The following DDX3X variants were observed in gnomAD, a reference collection of about 807,000 sequenced individuals.
The protein encoded by DDX3X is DEAD-box helicase 3 X-linked.
In DDX3X, 4 loss-of-function variants were observed where a neutral mutation model predicts 52.7. That is an observed-to-expected ratio of 0.08 (90% CI 0.04 to 0.17). The LOEUF (loss-of-function observed/expected upper bound fraction) is 0.17. DDX3X is among the 10% of genes least tolerant of loss of function. The pLI is 1.00. For missense variants in DDX3X, 222 were observed against 548.6 expected, an observed-to-expected ratio of 0.40 and a Z score of 5.95; for synonymous variants, 192 against 178.1, an observed-to-expected ratio of 1.08 and a Z score of -0.62.
rs756553855 is a variant in DDX3X at position 41,347,630 on chromosome X, C to T, written c.1910-10C>T. 2 of 1,171,132 alleles carry T rather than the reference C, an allele frequency of 1.7e-6. No individual in the cohort carries two copies. Among genetic ancestry groups the T allele is most frequent in the East Asian group, 3.0e-5 (1 of 33,663 alleles). ...CATTAATTTCTCTCTCTTTTTAAATCTCTCATTAGGTGGCTATGGAGGCTT... is the reference window on the plus strand; with the variant it reads ...CATTAATTTCTCTCTCTTTTTAAATTTCTCATTAGGTGGCTATGGAGGCTT... On this transcript the variant is annotated splice_polypyrimidine_tract_variant and intron_variant, in intron 16 of 16. Coordinates refer to ENST00000644876, the MANE Select transcript of DDX3X (RefSeq NM_001356.5).
chrX:41,357,990 G>A, intron 5 of DDX3X: 1 of 279,777 alleles, frequency 3.6e-6, no homozygotes, highest in East Asian at 5.0e-5. Flanking sequence ...AACTCATGCA[G>A]GCATGAGTCT....
downstream of DDX3X, chrX:41,351,314 T>A (rs763059206): frequency 2.7e-4 from 30 of 112,233 alleles, no homozygotes; most frequent in Non-Finnish European, 5.3e-4. Context: ...CATACTACAT[T>A]AATGTGGTTT....
chrX:41,362,995 C>G (rs528743915), intron 5 of DDX3X, among the ~76,000 whole-genome samples: 5 of 112,559 alleles, frequency 4.4e-5, no homozygotes, highest in African/African-American at 1.6e-4. Flanking sequence ...AAAATGCTCT[C>G]TATTCATGGG....
intron 3 of DDX3X, 167 bp downstream of exon 3, chrX:41,339,250 C>A (rs979760876): frequency 8.5e-6 from 2 of 236,074 alleles, no homozygotes; most frequent in Non-Finnish European, 1.6e-5. Context: ...TGGAAGAACT[C>A]ATCTAATGTT....
intron 5 of DDX3X, among the ~76,000 whole-genome samples, chrX:41,357,380 A>G (rs2064013634): frequency 8.9e-6 from 1 of 111,903 alleles, no homozygotes; most frequent in South Asian, 3.7e-4. Context: ...TTCTATCTAC[A>G]AAAGAATCTT....
chrX:41,352,412 C>A (rs2063992577), downstream of DDX3X, among the ~76,000 whole-genome samples: 1 of 111,492 alleles, frequency 9.0e-6, no homozygotes, highest in Non-Finnish European at 1.9e-5. Context: ...ACTTCCTTTT[C>A]CACTCATTCT....
intron 5 of DDX3X, 26 bp downstream of exon 5, chrX:41,342,679 T>C (rs1258547327): frequency 8.3e-7 from 1 of 1,211,057 alleles, no homozygotes; most frequent in Non-Finnish European, 1.1e-6. Context: ...GTATGTTACT[T>C]GTGATGAAGC....
chrX:41,360,246 T>C (rs926111656), intron 5 of DDX3X, among the ~76,000 whole-genome samples: 3 of 94,903 alleles, frequency 3.2e-5, no homozygotes, highest in African/African-American at 7.7e-5. Context: ...GGCGTGGTGG[T>C]GCGTGCCTGT....
intron 14 of DDX3X, 94 bp downstream of exon 14, chrX:41,346,716 A>G: frequency 2.1e-6 from 2 of 939,829 alleles, no homozygotes; most frequent in Admixed American, 2.9e-5. Flanking sequence ...TTTAACAATG[A>G]AAGTGACAAA....
intron 4 of DDX3X, 172 bp downstream of exon 4, chrX:41,341,788 G>T: frequency 2.5e-6 from 1 of 408,154 alleles, no homozygotes; most frequent in Non-Finnish European, 4.2e-6. Flanking sequence ...GATGAAAATA[G>T]GAATATGCTC....
chrX:41,347,477 C>A, intron 16 of DDX3X, 26 bp downstream of exon 16: 2 of 1,198,293 alleles, frequency 1.7e-6, no homozygotes, highest in Non-Finnish European at 2.2e-6. Context: ...AACTTCATAG[C>A]TTTGGGAAGG....
intron 15 of DDX3X, 74 bp downstream of exon 15, chrX:41,347,086 A>ATT: frequency 1.9e-6 from 2 of 1,057,547 alleles, no homozygotes; most frequent in Non-Finnish European, 1.3e-6. Context: ...CTGCATGCAT[A>ATT]ACGTCCAAGG....
chrX:41,338,193 CTTATTTT>C (rs748785144), intron 2 of DDX3X: 9 of 110,294 alleles, frequency 8.2e-5, no homozygotes, highest in African/African-American at 3.0e-4. Flanking sequence ...GCAATAGACC[CTTATTTT>C]TAGCTCAGAT....
At chrX:41,344,423 T>C in intron 10 of DDX3X, 24 bp downstream of exon 10, 4 of 1,205,315 alleles carry the variant, frequency 3.3e-6, no homozygotes, top group Non-Finnish European at 4.5e-6. Flanking sequence ...TGTTTTTGTT[T>C]TTTTGTTTTG....
rs1032286188 is a variant in DDX3X at position 41,342,980 on chromosome X, C to T, written c.543+144C>T. 7.0e-6 allele frequency: 4 copies of T among 573,695 alleles called. No homozygotes were observed. The Admixed American group carries it at 1.2e-4, about 17-fold the overall frequency. 47.3% of individuals were successfully genotyped at this position (573,695 alleles called of 1,213,427 possible). On this transcript the variant is annotated intron_variant, in intron 6 of 16. Coordinates refer to ENST00000644876, the MANE Select transcript of DDX3X (RefSeq NM_001356.5). ...AAAGGAGAAGTTGAGTTCAGTGTCA[C>T]CATTATGAATAATTTATTACCTAAA...
Position 41,344,089 on chromosome X carries a change from G to A in DDX3X, c.825G>A (p.Thr275=), listed in dbSNP as rs2063889605. 3.3e-6 allele frequency: 4 copies of A among 1,206,808 alleles called. No homozygotes were observed. Among genetic ancestry groups the A allele is most frequent in the African/African-American group, 3.5e-5 (2 of 56,965 alleles). The part of the protein sequence containing the change: ...QYPISLVLAP[T]RELAVQIYEE... ...CAATCTCCTTGGTATTAGCACCAACGAGAGAGTTGGCAGTACAGATCTACG... is the reference window on the plus strand; with the variant it reads ...CAATCTCCTTGGTATTAGCACCAACAAGAGAGTTGGCAGTACAGATCTACG... The change falls in exon 9 of 17, where the codon ACG becomes ACA. Residue 275 remains threonine, a synonymous_variant. Coordinates refer to ENST00000644876, the MANE Select transcript of DDX3X (RefSeq NM_001356.5).
intron 3 of DDX3X, chrX:41,340,918 C>T (rs765846205): frequency 3.5e-6 from 1 of 288,755 alleles, no homozygotes; most frequent in South Asian, 2.2e-4. Context: ...AAGCTGTTGA[C>T]CACTTAGAGG....
chrX:41,343,919 C>A, intron 8 of DDX3X, 97 bp downstream of exon 8: 1 of 1,006,422 alleles, frequency 9.9e-7, no homozygotes, highest in Non-Finnish European at 1.4e-6. Context: ...AGAATGAAAA[C>A]CAGTTTTCAA....
At chrX:41,354,027 T>G (rs1465394834), downstream of DDX3X, among the ~76,000 whole-genome samples, 1 of 111,655 alleles carries the variant, frequency 9.0e-6, no homozygotes. Context: ...TGCTGCTTTA[T>G]CCTTTCCTGA....
Sources: allele counts gnomAD v4.1 joint callset (sites outside exome capture counted in the v4.1 genomes callset), GRCh38; gene constraint gnomAD v4.1.1; transcripts MANE v1.5; gene names NCBI Gene and HGNC (gene_info 2026-07-23, HGNC 2026-07-21).